The following CHSY1 variants were observed in gnomAD, a reference collection of about 807,000 sequenced individuals.
CHSY1 encodes the protein N-acetylgalactosaminyl-proteoglycan 3-beta-glucuronosyltransferase 1.
In CHSY1, 13 loss-of-function variants were observed where a neutral mutation model predicts 59.8. The ratio of observed to expected loss-of-function variants is 0.22; its 90% confidence interval spans 0.14 to 0.35. The LOEUF is 0.35. Ranked by LOEUF, CHSY1 falls within the 10% of genes least tolerant of loss-of-function variation. The pLI is 1.00. For missense variants in CHSY1, 947 were observed against 1,030.6 expected, an observed-to-expected ratio of 0.92 and a Z score of 1.11; for synonymous variants, 459 against 401.2, an observed-to-expected ratio of 1.14 and a Z score of -1.72.
intron 2 of CHSY1, among the ~76,000 whole-genome samples, chr15:101,224,684 C>A (rs2038822292): frequency 1.3e-5 from 2 of 152,154 alleles, no homozygotes; most frequent in South Asian, 4.1e-4. Context: ...TGGTCTAAGA[C>A]CCACAGGCAA....
intron 2 of CHSY1, among the ~76,000 whole-genome samples, chr15:101,202,011 A>G (rs2038579075): frequency 1.3e-5 from 2 of 152,264 alleles, no homozygotes; most frequent in African/African-American, 4.8e-5. Flanking sequence ...ATTATGGGAC[A>G]GACTGCATTC....
At chr15:101,241,400 T>A (rs2039000196) in intron 1 of CHSY1, among the ~76,000 whole-genome samples, 1 of 152,252 alleles carries the variant, frequency 6.6e-6, no homozygotes, top group Non-Finnish European at 1.5e-5. Flanking sequence ...ATAGTCTTCC[T>A]TGTGTTTTCT....
At chr15:101,195,842 C>G (rs1039672658) in intron 2 of CHSY1, among the ~76,000 whole-genome samples, 2 of 150,442 alleles carry the variant, frequency 1.3e-5, no homozygotes, top group African/African-American at 2.4e-5. Context: ...AAAAAAAAAC[C>G]CTGTCTCCAG....
At chr15:101,249,487 C>CT (rs2039084855) in intron 1 of CHSY1, among the ~76,000 whole-genome samples, 2 of 146,140 alleles carry the variant, frequency 1.4e-5, no homozygotes, top group South Asian at 4.3e-4. Flanking sequence ...CTATGTATCT[C>CT]TATCTATCGA....
chr15:101,251,343 G>C lies in CHSY1; in HGVS notation c.114C>G (p.Gly38=), dbSNP rs773533401. 1.7e-6 allele frequency: 2 copies of C among 1,144,002 alleles called. No homozygotes were observed. Among genetic ancestry groups the C allele is most frequent in the Non-Finnish European group, 2.2e-6 (2 of 916,338 alleles). 70.9% of individuals were successfully genotyped at this position (1,144,002 alleles called of 1,614,324 possible). A position where few individuals can be genotyped will look rare whatever the true frequency, so the allele number is the denominator to read the frequency against. The change falls in exon 1 of 3, where the codon GGC becomes GGG. Residue 38 remains glycine, a synonymous_variant. Coordinates refer to ENST00000254190, the MANE Select transcript of CHSY1 (RefSeq NM_014918.5). ...LPRASELKRA[G]PRRRASPEGC... The stretch of plus-strand genomic sequence containing the variant: ...CCTCGGGGCTGGCGCGGCGCCGTGG[G>C]CCCGCTCGCTTCAGCTCGGAAGCCC...
intron 2 of CHSY1, among the ~76,000 whole-genome samples, chr15:101,232,458 T>C (rs959939397): frequency 2.0e-5 from 3 of 152,178 alleles, no homozygotes; most frequent in Non-Finnish European, 4.4e-5. Flanking sequence ...TCTAATAAGA[T>C]GGCAAGTGTT....
rs1279847220 is a variant in CHSY1 at position 101,228,974 on chromosome 15, C to T, written c.816+6108G>A. ...ACAACAACAGCACAAAGGGAGGAGA[C>T]AACACAGCTACACATGAGCAAATCT... On this transcript the variant is annotated intron_variant, in intron 2 of 2. Coordinates refer to ENST00000254190, the MANE Select transcript of CHSY1 (RefSeq NM_014918.5). 2.0e-5 allele frequency among the ~76,000 whole-genome samples: 3 copies of T among 152,128 alleles called. No homozygotes were observed. In the East Asian group the frequency reaches 5.8e-4, roughly 29 times the overall value.
intron 1 of CHSY1, among the ~76,000 whole-genome samples, chr15:101,247,636 C>A (rs2039064866): frequency 6.6e-6 from 1 of 152,314 alleles, no homozygotes; most frequent in Middle Eastern, 3.4e-3. Context: ...CTCAGGGCCT[C>A]CAAAGCTCAG....
intron 2 of CHSY1, among the ~76,000 whole-genome samples, chr15:101,204,112 T>C (rs1220364309): frequency 6.6e-6 from 1 of 152,180 alleles, no homozygotes; most frequent in Non-Finnish European, 1.5e-5. Context: ...AAGAGCATTA[T>C]ATCTGCAACT....
chr15:101,194,492 A>G (rs1033340174), intron 2 of CHSY1, among the ~76,000 whole-genome samples: 1 of 152,254 alleles, frequency 6.6e-6, no homozygotes. Flanking sequence ...AGAATTACGT[A>G]GCCACAACAG....
chr15:101,204,279 C>T (rs558142771), intron 2 of CHSY1, among the ~76,000 whole-genome samples: 1 of 151,874 alleles, frequency 6.6e-6, no homozygotes, highest in Non-Finnish European at 1.5e-5. Flanking sequence ...ACTAAAAATA[C>T]AAAAATTAGC....
intron 2 of CHSY1, among the ~76,000 whole-genome samples, chr15:101,217,346 TTTATAA>T (rs1230758723): frequency 2.6e-5 from 4 of 152,158 alleles, no homozygotes; most frequent in Non-Finnish European, 5.9e-5. Context: ...TACAGAAATA[TTTATAA>T]TTATGTGTAT....
rs777409454 is a variant in CHSY1, at chr15:101,178,465, C to T, written c.1332G>A (p.Gly444=). Residue 444 remains glycine (G), a synonymous_variant, in exon 3 of 3, where the codon GGG becomes GGA. Coordinates refer to ENST00000254190, the MANE Select transcript of CHSY1 (RefSeq NM_014918.5). ...YGYRRVNPMY[G]AEYILDLLLL... ...GCAGCAGGTCCAGGATGTACTCAGC[C>T]CCATACATGGGGTTCACCCGGCGGT... The T allele has an allele frequency of 6.2e-7, 1 of 1,614,194 alleles. No individual in the cohort carries two copies. Among genetic ancestry groups the T allele is most frequent in the South Asian group, 1.1e-5 (1 of 91,078 alleles).
chr15:101,248,613 C>G (rs986103608), intron 1 of CHSY1, among the ~76,000 whole-genome samples: 1 of 152,072 alleles, frequency 6.6e-6, no homozygotes, highest in African/African-American at 2.4e-5. Context: ...TCTGCTTTCC[C>G]CTAACCACCT....
intron 1 of CHSY1, among the ~76,000 whole-genome samples, chr15:101,237,636 G>C (rs1240997118): frequency 6.6e-6 from 1 of 152,146 alleles, no homozygotes; most frequent in East Asian, 1.9e-4. Context: ...TCGACAGAGG[G>C]AAGATGAGTG....
chr15:101,237,222 T>TAA lies in CHSY1; in HGVS notation c.321-1647_321-1646dup, dbSNP rs56731913. Among the ~76,000 whole-genome samples the TAA allele has an allele frequency of 2.9e-3, 165 of 57,370 alleles. 5 individuals are homozygous for TAA. The highest frequency in any genetic ancestry group is 3.7e-3 in the African/African-American group (64 of 17,178). The allele number at this position is 57,370 out of a possible 152,430, so 37.6% of individuals were successfully genotyped here. A position where few individuals can be genotyped will look rare whatever the true frequency, so the allele number is the denominator to read the frequency against. ...CTGGACAAAAGAGCAAGACTCCATC[T>TAA]AAAAAAAAAAAAAAAAAAAAAAAAA... is the stretch of plus-strand genomic sequence containing the variant. On this transcript the variant is annotated intron_variant, in intron 1 of 2. Transcript: ENST00000254190.
chr15:101,217,867 T>C (rs1218703330), intron 2 of CHSY1, among the ~76,000 whole-genome samples: 1 of 152,156 alleles, frequency 6.6e-6, no homozygotes, highest in African/African-American at 2.4e-5. Context: ...ATTAGTGACC[T>C]TCTCCTGAAG....
chr15:101,251,339 G>A lies in CHSY1; in HGVS notation c.118C>T (p.Arg40Trp). The A allele has an allele frequency of 2.6e-6, 3 of 1,139,972 alleles. No homozygotes were observed. Among genetic ancestry groups the A allele is most frequent in the Non-Finnish European group, 2.2e-6 (2 of 914,960 alleles). The allele number at this position is 1,139,972 out of a possible 1,614,324, so 70.6% of individuals were successfully genotyped here. ...RASELKRAGP[R>W]RRASPEGCRS... is the part of the protein sequence containing the mutation. The stretch of plus-strand genomic sequence containing the variant: ...CAGCCCTCGGGGCTGGCGCGGCGCC[G>A]TGGGCCCGCTCGCTTCAGCTCGGAA... Residue 40 changes from arginine to tryptophan, a missense_variant, in exon 1 of 3, where the codon CGG becomes TGG. Transcript: ENST00000254190.
chr15:101,183,878 G>C (rs897221374), intron 2 of CHSY1, among the ~76,000 whole-genome samples: 2 of 152,212 alleles, frequency 1.3e-5, no homozygotes, highest in Non-Finnish European at 2.9e-5. Flanking sequence ...TGACAGACAC[G>C]ATATGTTACA....
Sources: allele counts gnomAD v4.1 joint callset (sites outside exome capture counted in the v4.1 genomes callset), GRCh38; gene constraint gnomAD v4.1.1; transcripts MANE v1.5; gene names NCBI Gene and HGNC (gene_info 2026-07-23, HGNC 2026-07-21).